Variants in CLIC2 observed in about 807,000 individuals in gnomAD.
CLIC2 encodes chloride intracellular channel protein 2.
In CLIC2, 9 loss-of-function variants were observed where a neutral mutation model predicts 14.8. The ratio of observed to expected loss-of-function variants is 0.61; its 90% CI spans 0.37 to 1.06. CLIC2 has a LOEUF of 1.06. Ranked by LOEUF, CLIC2 falls within the 50% of genes least tolerant of loss-of-function variation. CLIC2 has a pLI of 0.01. For synonymous variants in CLIC2, 61 were observed against 66.3 expected (o/e 0.92, Z 0.39); for missense variants, 148 against 181.4 (o/e 0.82, Z 1.06).
chrX:155,282,072 C>T (rs2074921856), intron 3 of CLIC2, among the ~76,000 whole-genome samples: 1 of 111,448 alleles, frequency 9.0e-6, no homozygotes, highest in South Asian at 3.8e-4. Context: ...ATCCCTCACT[C>T]GCTCAATTAT....
At chrX:155,302,220 TG>T (rs1209640087) in intron 1 of CLIC2, among the ~76,000 whole-genome samples, 6 of 108,442 alleles carry the variant, frequency 5.5e-5, no homozygotes, top group African/African-American at 1.7e-4. Flanking sequence ...GGACTCTTTT[TG>T]GTTGGTAAGC....
At position 155,292,631 on chromosome X, in the gene CLIC2, G is replaced by A. The variant is rs1001223601; in HGVS notation, c.293+6154C>T. On this transcript the variant is annotated intron_variant, in intron 3 of 5. Coordinates refer to ENST00000369449, the MANE Select transcript of CLIC2 (RefSeq NM_001289.6). ...TAAAAATACAAAAAATTAGCCGGGC[G>A]TGGTGGCGGGCGCCTGTAGTCCCAG... 764 of 236,956 alleles carry A rather than the reference G, an allele frequency of 3.2e-3. 3 individuals carry two copies. The highest frequency in any genetic ancestry group is 0.011 in the Middle Eastern group (9 of 790). The allele number at this position is 236,956 out of a possible 1,213,427, so 19.5% of individuals were successfully genotyped here. A position where few individuals can be genotyped will look rare whatever the true frequency, so the allele number is the denominator to read the frequency against.
chrX:155,321,746 A>G (rs1557321681), intron 1 of CLIC2, among the ~76,000 whole-genome samples: 1 of 111,799 alleles, frequency 8.9e-6, no homozygotes. Context: ...AAATGTTCCA[A>G]TTAAAACACA....
chrX:155,293,898 C>T (rs1252279960), intron 3 of CLIC2, among the ~76,000 whole-genome samples: 2 of 111,716 alleles, frequency 1.8e-5, no homozygotes, highest in Non-Finnish European at 3.8e-5. Context: ...ACTGGAGCAT[C>T]CAGATTCATA....
At chrX:155,298,002 A>G (rs1029910509) in intron 3 of CLIC2, among the ~76,000 whole-genome samples, 8 of 108,875 alleles carry the variant, frequency 7.3e-5, no homozygotes, top group Non-Finnish European at 1.5e-4. Context: ...TGCCAACCCA[A>G]CCCCAACAAA....
rs1262448417 is a variant in CLIC2 at position 155,321,664 on chromosome X, C to A, written c.57+12707G>T. ...TGAAGAAACTGCAACAACTAATGAG[C>A]AAAATAACTAGCATCATAATGACAG... On this transcript the variant is annotated intron_variant, in intron 1 of 5. Coordinates refer to ENST00000369449, the MANE Select transcript of CLIC2 (RefSeq NM_001289.6). 9.0e-5 allele frequency among the ~76,000 whole-genome samples: 10 copies of A among 111,433 alleles called. No individual in the cohort carries two copies. In the Admixed American group the frequency reaches 9.5e-4, roughly 11 times the overall value.
intron 5 of CLIC2, 83 bp from the exon 6 acceptor site, chrX:155,278,147 T>A: frequency 6.1e-6 from 5 of 821,859 alleles, no homozygotes; most frequent in Non-Finnish European, 7.2e-6. Flanking sequence ...AAGTCAAGAT[T>A]ATCAAAGGCA....
rs1557315870 is a variant in CLIC2 at position 155,277,352 on chromosome X, G to A, written c.*551C>T. On this transcript the variant is annotated 3_prime_UTR_variant, in exon 6 of 6. Coordinates refer to ENST00000369449, the MANE Select transcript of CLIC2 (RefSeq NM_001289.6). ...CCATGAGGTGGTCATAGTTCTAGGC[G>A]TCAAATGCTGTTCTATGACCAATTG... The A allele has an allele frequency of 9.0e-6, 1 of 111,515 alleles. No homozygotes were observed. Among genetic ancestry groups the A allele is most frequent in the Non-Finnish European group, 1.9e-5 (1 of 53,216 alleles). 9.2% of individuals were successfully genotyped at this position (111,515 alleles called of 1,213,427 possible).
intron 1 of CLIC2, among the ~76,000 whole-genome samples, chrX:155,299,862 T>C (rs2124177898): frequency 9.3e-6 from 1 of 107,293 alleles, no homozygotes; most frequent in South Asian, 4.3e-4. Flanking sequence ...TTACTGAGAA[T>C]GATGATTTCC....
At chrX:155,292,573 A>G (rs1342360322) in intron 3 of CLIC2, 6 of 391,096 alleles carry the variant, frequency 1.5e-5, no homozygotes, top group Non-Finnish European at 2.7e-5. Context: ...GATCGAGACC[A>G]TCCTGGCTAA....
chrX:155,299,998 C>G (rs2075009826), intron 1 of CLIC2, among the ~76,000 whole-genome samples: 1 of 109,608 alleles, frequency 9.1e-6, no homozygotes, highest in African/African-American at 3.3e-5. Context: ...TGGGTTGGTT[C>G]CAAGTCTTTG....
intron 1 of CLIC2, among the ~76,000 whole-genome samples, chrX:155,323,797 C>CA (rs2075126325): frequency 8.9e-6 from 1 of 111,967 alleles, no homozygotes; most frequent in Non-Finnish European, 1.9e-5. Flanking sequence ...TGTCTCAGCC[C>CA]AAAAACTCCT....
In CLIC2 at chrX:155,334,523, T is replaced by G. The variant is rs1557323135; in HGVS notation, c.-96A>C. 9.3e-6 allele frequency: 7 copies of G among 754,606 alleles called. No individual in the cohort carries two copies. Among genetic ancestry groups the G allele is most frequent in the Non-Finnish European group, 1.5e-5 (7 of 481,800 alleles). The allele number at this position is 754,606 out of a possible 1,213,427, so 62.2% of individuals were successfully genotyped here. A position where few individuals can be genotyped will look rare whatever the true frequency, so the allele number is the denominator to read the frequency against. Reference sequence around the variant, plus strand: ...CAATTTTATCCAAAGACTCAAGTAATGTTGGTGCTTTAAGAAGACCGTCTA... The same window carrying G: ...CAATTTTATCCAAAGACTCAAGTAAGGTTGGTGCTTTAAGAAGACCGTCTA... On this transcript the variant is annotated 5_prime_UTR_variant, in exon 1 of 6. Coordinates refer to ENST00000369449, the MANE Select transcript of CLIC2 (RefSeq NM_001289.6).
chrX:155,303,066 G>T (rs1557319364), intron 1 of CLIC2, among the ~76,000 whole-genome samples: 1 of 92,936 alleles, frequency 1.1e-5, no homozygotes, highest in African/African-American at 3.7e-5. Flanking sequence ...ATTGATTTGG[G>T]GTGGAGAGTT....
chrX:155,312,860 TA>T (rs1457178582), intron 1 of CLIC2, among the ~76,000 whole-genome samples: 3 of 111,166 alleles, frequency 2.7e-5, no homozygotes, highest in Middle Eastern at 4.6e-3. Context: ...ATAAGAAACT[TA>T]AACAAATTTA....
intron 1 of CLIC2, among the ~76,000 whole-genome samples, chrX:155,318,053 C>A (rs1557321235): frequency 9.0e-6 from 1 of 111,543 alleles, no homozygotes; most frequent in African/African-American, 3.3e-5. Flanking sequence ...AAGAAACATA[C>A]CTTAAGGTAA....
At chrX:155,318,673 A>T (rs1441183157) in intron 1 of CLIC2, among the ~76,000 whole-genome samples, 1 of 112,268 alleles carries the variant, frequency 8.9e-6, no homozygotes, top group African/African-American at 3.2e-5. Flanking sequence ...AATTCCCATG[A>T]AAATACCACT....
chrX:155,332,478 G>A (rs2075160028), intron 1 of CLIC2, among the ~76,000 whole-genome samples: 1 of 111,139 alleles, frequency 9.0e-6, no homozygotes, highest in Non-Finnish European at 1.9e-5. Flanking sequence ...ATAAAATTCT[G>A]GACTAGTTTA....
At chrX:155,319,030 C>T (rs1349840156) in intron 1 of CLIC2, among the ~76,000 whole-genome samples, 1 of 111,937 alleles carries the variant, frequency 8.9e-6, no homozygotes, top group African/African-American at 3.3e-5. Context: ...GAAACTGGAT[C>T]CTCATCTCTC....
Sources: gnomAD v4.1 joint callset for allele counts (sites outside exome capture counted in the v4.1 genomes callset) on GRCh38, gnomAD v4.1.1 for gene constraint, MANE v1.5 for transcripts, NCBI Gene and HGNC (gene_info 2026-07-23, HGNC 2026-07-21) for gene names.